The following TMEM163 variants were observed in gnomAD, a reference collection of about 807,000 sequenced individuals.
TMEM163 encodes the protein transmembrane protein 163.
A neutral mutation model predicts 29.3 loss-of-function variants in TMEM163; 17 were observed. The observed-to-expected ratio is 0.58, with a 90% CI of 0.40 to 0.87. The LOEUF is 0.87. Among genes scored for constraint, TMEM163 ranks in the 40% least tolerant of loss-of-function variants. The pLI is 0.00. For missense variants in TMEM163, 303 were observed against 381.5 expected (o/e 0.79, Z 1.71); for synonymous variants, 157 against 160.6 (o/e 0.98, Z 0.17).
intron 2 of TMEM163, among the ~76,000 whole-genome samples, chr2:134,697,663 C>G (rs188299685): frequency 8.3e-4 from 126 of 152,094 alleles, no homozygotes; most frequent in Admixed American, 2.9e-3. Context: ...CGGGGTTTCG[C>G]CATGTTGGCC....
intron 6 of TMEM163, among the ~76,000 whole-genome samples, chr2:134,463,205 GC>G (rs1686590701): frequency 6.6e-6 from 1 of 152,212 alleles, no homozygotes; most frequent in Non-Finnish European, 1.5e-5. Context: ...ACAGGGCTGG[GC>G]CAGAGTGTGG....
chr2:134,580,448 G>A (rs900377952), intron 2 of TMEM163, among the ~76,000 whole-genome samples: 1 of 152,172 alleles, frequency 6.6e-6, no homozygotes, highest in Non-Finnish European at 1.5e-5. Context: ...TGCAAAAGAA[G>A]TGTAAAATAA....
chr2:134,515,647 C>T (rs1680041586), intron 4 of TMEM163, among the ~76,000 whole-genome samples: 1 of 152,086 alleles, frequency 6.6e-6, no homozygotes, highest in Non-Finnish European at 1.5e-5. Flanking sequence ...AACTGTGATA[C>T]ATCAATTCAG....
In TMEM163 at chr2:134,653,834, A is replaced by C. The variant is rs988951897; in HGVS notation, c.322+59366T>G. ...GTAGTCATTCAGGAGCAGGTTGTTC[A>C]GTTTCCATGTAGTTGAGCAGCTTTG... On this transcript the variant is annotated intron_variant, in intron 2 of 7. Coordinates refer to ENST00000281924, the MANE Select transcript of TMEM163 (RefSeq NM_030923.5). 1.8e-3 allele frequency among the ~76,000 whole-genome samples: 217 copies of C among 123,136 alleles called. 20 individuals carry two copies. The highest frequency in any genetic ancestry group is 4.2e-3 in the South Asian group (16 of 3,782). The allele number at this position is 123,136 out of a possible 152,430, so 80.8% of individuals were successfully genotyped here.
intron 2 of TMEM163, among the ~76,000 whole-genome samples, chr2:134,588,258 G>A (rs1681864293): frequency 6.6e-6 from 1 of 152,172 alleles, no homozygotes; most frequent in South Asian, 2.1e-4. Flanking sequence ...CCATTCTCTG[G>A]CAACTCCAAA....
chr2:134,565,160 C>T (rs1434885467), intron 2 of TMEM163, among the ~76,000 whole-genome samples: 1 of 152,054 alleles, frequency 6.6e-6, no homozygotes, highest in Admixed American at 6.6e-5. Flanking sequence ...ATCGATTGAA[C>T]CCAGGAGGCA....
At chr2:134,561,168 CAG>C (rs1016908322) in intron 2 of TMEM163, among the ~76,000 whole-genome samples, 1 of 152,228 alleles carries the variant, frequency 6.6e-6, no homozygotes, top group African/African-American at 2.4e-5. Context: ...CCTCACACGC[CAG>C]AGCTAAAAGT....
At chr2:134,578,333 C>A (rs571453009) in intron 2 of TMEM163, among the ~76,000 whole-genome samples, 1 of 152,316 alleles carries the variant, frequency 6.6e-6, no homozygotes. Flanking sequence ...CAAACAGAAG[C>A]ACCCAGACAC....
At chr2:134,514,407 T>TA (rs1240279249) in intron 4 of TMEM163, among the ~76,000 whole-genome samples, 17 of 89,224 alleles carry the variant, frequency 1.9e-4, no homozygotes, top group Admixed American at 6.9e-4. Context: ...TTTTTTTTTT[T>TA]AAAAAAAGAG....
chr2:134,587,816 A>T (rs529128054), intron 2 of TMEM163, among the ~76,000 whole-genome samples: 7 of 152,370 alleles, frequency 4.6e-5, no homozygotes, highest in Non-Finnish European at 8.8e-5. Context: ...ATTCAAACAA[A>T]TAACAAGAAG....
At chr2:134,640,445 T>A (rs975165055) in intron 2 of TMEM163, among the ~76,000 whole-genome samples, 1 of 152,024 alleles carries the variant, frequency 6.6e-6, no homozygotes, top group Non-Finnish European at 1.5e-5. Flanking sequence ...ACACTCCAAT[T>A]TCATGAAAAG....
At chr2:134,660,796 G>T (rs1683729888) in intron 2 of TMEM163, among the ~76,000 whole-genome samples, 1 of 152,212 alleles carries the variant, frequency 6.6e-6, no homozygotes, top group Non-Finnish European at 1.5e-5. Flanking sequence ...TTGCTGAAGA[G>T]CTCAGTATAT....
At position 134,463,376 on chromosome 2, in the gene TMEM163, ATT is replaced by A. The variant is rs1363671297; in HGVS notation, c.667+2736_667+2737del. On this transcript the variant is annotated intron_variant, in intron 6 of 7. Coordinates refer to ENST00000281924, the MANE Select transcript of TMEM163 (RefSeq NM_030923.5). ...GAAGGGCTCCATGGCCAAGGAAGGC[ATT>A]TGATTTTGCAGACCACAAAGCAGCA... Among the ~76,000 whole-genome samples the A allele has an allele frequency of 2.6e-5, 4 of 152,358 alleles. No individual in the cohort carries two copies. The South Asian group carries it at 8.3e-4, about 32-fold the overall frequency.
intron 2 of TMEM163, among the ~76,000 whole-genome samples, chr2:134,681,294 G>C (rs1260966257): frequency 1.3e-5 from 2 of 152,158 alleles, no homozygotes; most frequent in Admixed American, 1.3e-4. Flanking sequence ...GATGGGTACT[G>C]ATAGAGTCTC....
At chr2:134,665,496 G>A (rs564141151) in intron 2 of TMEM163, among the ~76,000 whole-genome samples, 3 of 152,292 alleles carry the variant, frequency 2.0e-5, no homozygotes, top group Non-Finnish European at 4.4e-5. Flanking sequence ...AATTCAAGAT[G>A]AGATTTGGGT....
At chr2:134,718,455 G>C (rs867136718) in intron 1 of TMEM163, among the ~76,000 whole-genome samples, 1 of 152,252 alleles carries the variant, frequency 6.6e-6, no homozygotes, top group Admixed American at 6.5e-5. Context: ...GCGCCGGAGG[G>C]CCTGGAGCTG....
intron 4 of TMEM163, among the ~76,000 whole-genome samples, chr2:134,515,152 T>G (rs1030664899): frequency 6.6e-6 from 1 of 152,224 alleles, no homozygotes; most frequent in Non-Finnish European, 1.5e-5. Context: ...TGATAACAGA[T>G]GAGTCATCTC....
At chr2:134,558,379 T>A (rs1423256931) in intron 2 of TMEM163, among the ~76,000 whole-genome samples, 1 of 152,170 alleles carries the variant, frequency 6.6e-6, no homozygotes, top group Admixed American at 6.5e-5. Flanking sequence ...ACAGCTACTC[T>A]CCCAGAAGCA....
chr2:134,569,225 T>G (rs1681367712), intron 2 of TMEM163, among the ~76,000 whole-genome samples: 1 of 152,154 alleles, frequency 6.6e-6, no homozygotes, highest in South Asian at 2.1e-4. Flanking sequence ...TTACTTCTAC[T>G]CAGTGCTAAT....
Sources: gnomAD v4.1 joint callset for allele counts (sites outside exome capture counted in the v4.1 genomes callset) on GRCh38, gnomAD v4.1.1 for gene constraint, MANE v1.5 for transcripts, NCBI Gene and HGNC (gene_info 2026-07-23, HGNC 2026-07-21) for gene names.